Variants in RBFOX1 observed in about 807,000 individuals in gnomAD.
The protein encoded by RBFOX1 is RNA binding fox-1 homolog 1, also known as RNA binding protein fox-1 homolog 1.
In RBFOX1, 8 loss-of-function variants were observed where a neutral mutation model predicts 57.7. That is an observed-to-expected ratio of 0.14 (90% CI 0.08 to 0.25). The LOEUF is 0.25. Among genes scored for constraint, RBFOX1 ranks in the 10% least tolerant of loss-of-function variants. The pLI, the probability that RBFOX1 is intolerant of heterozygous loss-of-function variation, is 1.00. For synonymous variants in RBFOX1, 326 were observed against 222.4 expected, an observed-to-expected ratio of 1.47 and a Z score of -4.15; for missense variants, 611 against 548.5, an observed-to-expected ratio of 1.11 and a Z score of -1.14.
intron 5 of RBFOX1, among the ~76,000 whole-genome samples, chr16:7,531,006 G>A (rs1019000160): frequency 6.6e-6 from 1 of 152,148 alleles, no homozygotes; most frequent in Non-Finnish European, 1.5e-5. Context: ...CCACGGGCAA[G>A]TTCTTTCAGC....
intron 4 of RBFOX1, among the ~76,000 whole-genome samples, chr16:7,329,616 A>T (rs1180847025): frequency 6.6e-6 from 1 of 152,258 alleles, no homozygotes; most frequent in Non-Finnish European, 1.5e-5. Context: ...CGAAGTCAAT[A>T]CAACTTCAAA....
rs747259880 is a variant in RBFOX1, at chr16:6,634,720, A to AACGCAAAG, written c.-63-19882_-63-19881insCGCAAAGA. Among the ~76,000 whole-genome samples the AACGCAAAG allele has an allele frequency of 2.1e-5, 3 of 140,650 alleles. No individual in the cohort carries two copies. The East Asian group carries it at 6.1e-4, about 29-fold the overall frequency. The allele number at this position is 140,650 out of a possible 152,430, so 92.3% of individuals were successfully genotyped here. On this transcript the variant is annotated intron_variant, in intron 2 of 15. Coordinates refer to ENST00000550418, the MANE Select transcript of RBFOX1 (RefSeq NM_018723.4). Reference sequence around the variant, plus strand: ...AGATACATATTTGTATTAAATATATAATACAAAGATATATTTGTATTAAAT... The same window carrying AACGCAAAG: ...AGATACATATTTGTATTAAATATATAACGCAAAGATACAAAGATATATTTGTATTAAAT...
chr16:5,416,774 C>A (rs1323252438), intron 1 of RBFOX1, among the ~76,000 whole-genome samples: 1 of 151,982 alleles, frequency 6.6e-6, no homozygotes, highest in African/African-American at 2.4e-5. Flanking sequence ...CTCATTCATG[C>A]AGATAGGAAC....
intron 3 of RBFOX1, among the ~76,000 whole-genome samples, chr16:6,893,355 C>T (rs73546205): frequency 6.6e-6 from 1 of 152,112 alleles, no homozygotes; most frequent in Non-Finnish European, 1.5e-5. Context: ...AATACACGAT[C>T]AAGTCACAAA....
At chr16:6,210,700 G>T (rs1213113855) in intron 1 of RBFOX1, among the ~76,000 whole-genome samples, 3 of 152,004 alleles carry the variant, frequency 2.0e-5, no homozygotes, top group Non-Finnish European at 2.9e-5. Context: ...TCCAGTGCCT[G>T]GGTGACACAG....
At chr16:6,858,675 CAAT>C (rs1036754263) in intron 3 of RBFOX1, among the ~76,000 whole-genome samples, 25 of 152,152 alleles carry the variant, frequency 1.6e-4, no homozygotes, top group African/African-American at 5.1e-4. Flanking sequence ...AAAATAGAAA[CAAT>C]AATTTTATGG....
intron 4 of RBFOX1, among the ~76,000 whole-genome samples, chr16:7,354,922 G>T (rs2097188633): frequency 6.6e-6 from 1 of 152,126 alleles, no homozygotes; most frequent in Admixed American, 6.5e-5. Context: ...CTATCTTGTG[G>T]TCTCTTTGCT....
At chr16:5,986,182 G>T (rs2060282884) in intron 4 of RBFOX1, among the ~76,000 whole-genome samples, 1 of 151,644 alleles carries the variant, frequency 6.6e-6, no homozygotes, top group African/African-American at 2.4e-5. Context: ...TCCTGCCTCA[G>T]CCTCCCAGGT....
intron 4 of RBFOX1, among the ~76,000 whole-genome samples, chr16:7,279,070 A>G (rs1273473314): frequency 6.6e-6 from 1 of 151,096 alleles, no homozygotes; most frequent in Non-Finnish European, 1.5e-5. Context: ...TCTAAAAGTG[A>G]CGTAGGTTTC....
intron 4 of RBFOX1, among the ~76,000 whole-genome samples, chr16:7,258,979 C>G (rs536050418): frequency 2.0e-5 from 3 of 152,154 alleles, no homozygotes; most frequent in Admixed American, 1.3e-4. Context: ...TATTGCATAC[C>G]TTTCCAAGCC....
chr16:6,762,570 C>G (rs1284475361), intron 3 of RBFOX1, among the ~76,000 whole-genome samples: 1 of 152,078 alleles, frequency 6.6e-6, no homozygotes, highest in African/African-American at 2.4e-5. Context: ...CTCTAGACTA[C>G]TATATTTAAT....
intron 4 of RBFOX1, among the ~76,000 whole-genome samples, chr16:7,106,211 C>G (rs1302342028): frequency 6.6e-6 from 1 of 152,046 alleles, no homozygotes; most frequent in African/African-American, 2.4e-5. Context: ...TTTCGTGTGT[C>G]AGGTTCATAA....
At chr16:5,636,487 TG>T in intron 3 of RBFOX1, among the ~76,000 whole-genome samples, 1 of 152,304 alleles carries the variant, frequency 6.6e-6, no homozygotes, top group Non-Finnish European at 1.5e-5. Flanking sequence ...CTCCCGCTCA[TG>T]GGGCCAGGCA....
intron 3 of RBFOX1, among the ~76,000 whole-genome samples, chr16:5,652,866 G>A (rs2049285375): frequency 6.6e-6 from 1 of 152,208 alleles, no homozygotes; most frequent in South Asian, 2.1e-4. Flanking sequence ...CCAGGACTCA[G>A]GGGTCACTGT....
chr16:5,770,043 A>C (rs934384507), intron 3 of RBFOX1, among the ~76,000 whole-genome samples: 3 of 152,208 alleles, frequency 2.0e-5, no homozygotes, highest in African/African-American at 7.2e-5. Context: ...GAGAAGATTT[A>C]CTGTGGAGGT....
chr16:7,391,281 G>C (rs2098013444), intron 4 of RBFOX1, among the ~76,000 whole-genome samples: 1 of 152,186 alleles, frequency 6.6e-6, no homozygotes, highest in African/African-American at 2.4e-5. Flanking sequence ...GTCCCTCTAA[G>C]AGAGTTTTTG....
At chr16:5,850,751 A>G (rs774225021) in intron 3 of RBFOX1, among the ~76,000 whole-genome samples, 3 of 151,966 alleles carry the variant, frequency 2.0e-5, no homozygotes, top group Admixed American at 6.5e-5. Flanking sequence ...AAGAACCCAC[A>G]AGGGCGACTC....
chr16:5,924,777 T>G (rs540954885), intron 4 of RBFOX1, among the ~76,000 whole-genome samples: 1 of 152,304 alleles, frequency 6.6e-6, no homozygotes, highest in Non-Finnish European at 1.5e-5. Flanking sequence ...AGTCTTATCT[T>G]CATGATTTTT....
chr16:6,339,637 C>T (rs1242166562), intron 2 of RBFOX1, among the ~76,000 whole-genome samples: 6 of 149,200 alleles, frequency 4.0e-5, no homozygotes, highest in Non-Finnish European at 7.4e-5. Context: ...ACATCTTAAG[C>T]GATTCCTTTA....
Sources: allele counts gnomAD v4.1 joint callset (sites outside exome capture counted in the v4.1 genomes callset), GRCh38; gene constraint gnomAD v4.1.1; transcripts MANE v1.5; gene names NCBI Gene and HGNC (gene_info 2026-07-23, HGNC 2026-07-21).